The following MAP3K20 variants were observed in gnomAD, a reference collection of about 807,000 sequenced individuals.
MAP3K20 encodes the protein mitogen-activated protein kinase kinase kinase 20, also known as HCCS-4.
In MAP3K20, 40 loss-of-function variants were observed where a neutral mutation model predicts 85.7. The ratio of observed to expected loss-of-function variants is 0.47; its 90% CI spans 0.36 to 0.61. The LOEUF (loss-of-function observed/expected upper bound fraction) is 0.61, where lower values mean the gene tolerates loss of function less well. Ranked by LOEUF, MAP3K20 falls within the 20% of genes least tolerant of loss-of-function variation. The probability of loss-of-function intolerance (pLI) is 0.00; values close to 1 mark genes in which losing one functional copy is unlikely to be tolerated. For missense variants in MAP3K20, 817 were observed against 961.7 expected, an observed-to-expected ratio of 0.85 and a Z score of 1.99; for synonymous variants, 325 against 327.7, an observed-to-expected ratio of 0.99 and a Z score of 0.09.
intron 11 of MAP3K20, among the ~76,000 whole-genome samples, chr2:173,229,306 T>C (rs1684463331): frequency 6.6e-6 from 1 of 152,260 alleles, no homozygotes; most frequent in African/African-American, 2.4e-5. Context: ...GGTTACTAAG[T>C]GGTTGCTTTG....
chr2:173,076,021 C>A lies in MAP3K20; in HGVS notation c.-35+19C>A. 2 of 984,280 alleles carry A rather than the reference C, an allele frequency of 2.0e-6. No individual in the cohort carries two copies. The highest frequency in any genetic ancestry group is 2.4e-6 in the Non-Finnish European group (2 of 829,312). 61.0% of individuals were successfully genotyped at this position (984,280 alleles called of 1,614,324 possible). A position where few individuals can be genotyped will look rare whatever the true frequency, so the allele number is the denominator to read the frequency against. On this transcript the variant is annotated intron_variant, in intron 1 of 19. Coordinates refer to ENST00000375213, the MANE Select transcript of MAP3K20 (RefSeq NM_016653.3). ...GAGCCAGGTAGGGGTCAGGCTGGAG[C>A]CCGCGGAGGGCGGGGAGGGAGGGGG...
intron 2 of MAP3K20, among the ~76,000 whole-genome samples, chr2:173,161,225 G>T (rs1689648150): frequency 6.6e-6 from 1 of 152,248 alleles, no homozygotes; most frequent in Non-Finnish European, 1.5e-5. Flanking sequence ...AAGAGGCAAA[G>T]TGCAGCTGTC....
intron 1 of MAP3K20, among the ~76,000 whole-genome samples, chr2:173,078,606 C>G (rs1354356820): frequency 6.6e-6 from 1 of 152,130 alleles, no homozygotes; most frequent in African/African-American, 2.4e-5. Flanking sequence ...GCTGAAGCAT[C>G]GTCCTAATAG....
At chr2:173,229,458 T>G (rs1224187924) in intron 11 of MAP3K20, among the ~76,000 whole-genome samples, 1 of 152,120 alleles carries the variant, frequency 6.6e-6, no homozygotes, top group African/African-American at 2.4e-5. Flanking sequence ...CAAAGGAATA[T>G]GATACAGCTC....
chr2:173,209,972 T>A, intron 10 of MAP3K20, 137 bp downstream of exon 10: 1 of 784,708 alleles, frequency 1.3e-6, no homozygotes, highest in Non-Finnish European at 2.1e-6. Flanking sequence ...AGGTTTTTTT[T>A]ATGATTTTGG....
Position 173,221,605 on chromosome 2 carries a change from A to C in MAP3K20, c.987+4355A>C, listed in dbSNP as rs1466529028. The C allele has an allele frequency of 2.2e-6, 3 of 1,394,460 alleles. No individual in the cohort carries two copies. In the African/African-American group the frequency reaches 4.3e-5, roughly 20 times the overall value. The allele number at this position is 1,394,460 out of a possible 1,614,324, so 86.4% of individuals were successfully genotyped here. ...TAACTTGTTTATCTCAGTCTGTACA[A>C]AAACAGTAAGGAGGCAGAAAGCCAA... On this transcript the variant is annotated intron_variant, in intron 11 of 19. Transcript: ENST00000375213.
rs765616746 is a variant in MAP3K20 at position 173,263,918 on chromosome 2, G to A, written c.1702+23G>A. 4 of 1,596,836 alleles carry A rather than the reference G, an allele frequency of 2.5e-6. No homozygotes were observed. In the South Asian group the frequency reaches 4.6e-5, roughly 18 times the overall value. On this transcript the variant is annotated intron_variant, in intron 19 of 19. Transcript: ENST00000375213. ...CAAGTAAGTTAGTGTTCCCGTATTA[G>A]ATGTGTGCTAGATTCCAGAAACTTA... is the stretch of plus-strand genomic sequence containing the variant.
At chr2:173,143,508 G>GT (rs1689037602) in intron 2 of MAP3K20, among the ~76,000 whole-genome samples, 2 of 152,112 alleles carry the variant, frequency 1.3e-5, no homozygotes, top group East Asian at 3.8e-4. Context: ...CATAAAATAA[G>GT]TTTTTATAAT....
intron 2 of MAP3K20, among the ~76,000 whole-genome samples, chr2:173,110,678 T>C (rs1002751201): frequency 7.9e-5 from 12 of 152,034 alleles, no homozygotes; most frequent in Non-Finnish European, 1.2e-4. Context: ...TGATGTTTGG[T>C]TTTCCATTCC....
chr2:173,079,125 A>G (rs1456022804), intron 1 of MAP3K20, among the ~76,000 whole-genome samples: 1 of 152,234 alleles, frequency 6.6e-6, no homozygotes, highest in Non-Finnish European at 1.5e-5. Context: ...GCTATAGCCT[A>G]CTACACACCT....
At chr2:173,122,536 AT>A (rs1433526150) in intron 2 of MAP3K20, among the ~76,000 whole-genome samples, 1 of 152,114 alleles carries the variant, frequency 6.6e-6, no homozygotes, top group Non-Finnish European at 1.5e-5. Flanking sequence ...CTGCAGGGTT[AT>A]TTTTGAAGGA....
chr2:173,233,452 G>T (rs986894860), intron 14 of MAP3K20, among the ~76,000 whole-genome samples: 2 of 152,060 alleles, frequency 1.3e-5, no homozygotes, highest in African/African-American at 4.8e-5. Flanking sequence ...GTTTGTTTTT[G>T]TTTTTTCAAT....
intron 2 of MAP3K20, among the ~76,000 whole-genome samples, chr2:173,161,388 C>T (rs1689653268): frequency 6.6e-6 from 1 of 152,184 alleles, no homozygotes; most frequent in Non-Finnish European, 1.5e-5. Context: ...AGAATGAATA[C>T]TGAAGCAAAT....
chr2:173,091,433 A>G (rs1465799036), intron 2 of MAP3K20, among the ~76,000 whole-genome samples: 1 of 152,186 alleles, frequency 6.6e-6, no homozygotes, highest in African/African-American at 2.4e-5. Flanking sequence ...AGGGCATGAA[A>G]GACCAAATGT....
At chr2:173,126,326 G>A (rs1295068253) in intron 2 of MAP3K20, among the ~76,000 whole-genome samples, 1 of 152,038 alleles carries the variant, frequency 6.6e-6, no homozygotes, top group Non-Finnish European at 1.5e-5. Context: ...ATTGGGGTAA[G>A]GGTGGTTTCA....
At chr2:173,261,233 A>G (rs901439067) in intron 18 of MAP3K20, 96 bp downstream of exon 18, 4 of 1,264,258 alleles carry the variant, frequency 3.2e-6, no homozygotes, top group South Asian at 1.3e-5. Flanking sequence ...TGGGAGATAT[A>G]CCCAGAGCAT....
intron 2 of MAP3K20, among the ~76,000 whole-genome samples, chr2:173,118,165 C>T (rs1262679632): frequency 6.6e-6 from 1 of 152,196 alleles, no homozygotes; most frequent in African/African-American, 2.4e-5. Context: ...TCTCTTTTCT[C>T]TTTGTAATTC....
chr2:173,217,330 C>T (rs1684106162), intron 11 of MAP3K20, 80 bp downstream of exon 11: 1 of 1,337,988 alleles, frequency 7.5e-7, no homozygotes. Flanking sequence ...GGCACCTCTT[C>T]CCCTGCCTCC....
At chr2:173,173,081 C>T (rs929048771) in intron 3 of MAP3K20, among the ~76,000 whole-genome samples, 6 of 152,004 alleles carry the variant, frequency 3.9e-5, no homozygotes, top group East Asian at 1.9e-4. Flanking sequence ...TGAGCCACCG[C>T]GCCCAGCCTG....
Sources: allele counts gnomAD v4.1 joint callset (sites outside exome capture counted in the v4.1 genomes callset), GRCh38; gene constraint gnomAD v4.1.1; transcripts MANE v1.5; gene names NCBI Gene and HGNC (gene_info 2026-07-23, HGNC 2026-07-21).